ATP13A3: variants seen among roughly 807,000 people sequenced by gnomAD.
The protein encoded by ATP13A3 is polyamine-transporting ATPase 13A3.
In ATP13A3, 59 loss-of-function variants were observed where a neutral mutation model predicts 158.1. That is an observed-to-expected ratio of 0.37 (90% CI 0.30 to 0.46). The LOEUF is 0.46. Among genes scored for constraint, ATP13A3 ranks in the 20% least tolerant of loss-of-function variants. The probability of loss-of-function intolerance (pLI) is 1.00; values close to 1 mark genes in which losing one functional copy is unlikely to be tolerated. For synonymous variants in ATP13A3, 491 were observed against 504.3 expected (o/e 0.97, Z 0.35); for missense variants, 1,166 against 1,525.2 (o/e 0.76, Z 3.92).
At chr3:194,462,077 A>G in intron 3 of ATP13A3, 63 bp downstream of exon 3, 1 of 1,534,566 alleles carries the variant, frequency 6.5e-7, no homozygotes, top group Non-Finnish European at 9.0e-7. Context: ...TCTAGTCCCT[A>G]AAATAATAAA....
chr3:194,436,736 T>C (rs888857934), intron 20 of ATP13A3, among the ~76,000 whole-genome samples: 9 of 152,204 alleles, frequency 5.9e-5, no homozygotes, highest in Non-Finnish European at 1.2e-4. Flanking sequence ...TAATCCCAGC[T>C]ACTTGGGAGG....
Position 194,406,044 on chromosome 3 carries a change from T to A in ATP13A3, c.3646A>T (p.Lys1216Ter). 6.2e-7 allele frequency: 1 copy of A among 1,614,192 alleles called. No individual in the cohort carries two copies. The highest frequency in any genetic ancestry group is 1.1e-5 in the South Asian group (1 of 91,088). ...AGCTCCTGCGCCAGATACATGTACT[T>A]TGCCTTTGGTGTCTTCTTTCTACAG... ...LGCRKKTPKAKYMYLAQELLV... is the reference protein window; with the variant it reads ...LGCRKKTPKA Residue 1216 changes from lysine (K) to a stop codon, truncating the protein, a stop_gained, in exon 34 of 34, where the codon AAG becomes TAG. Coordinates refer to ENST00000645319, the MANE Select transcript of ATP13A3 (RefSeq NM_001367549.1). LOFTEE classifies it high-confidence loss of function.
intron 2 of ATP13A3, among the ~76,000 whole-genome samples, chr3:194,480,309 A>G (rs950626545): frequency 2.0e-5 from 3 of 152,174 alleles, no homozygotes; most frequent in African/African-American, 7.2e-5. Context: ...TTTTTATCCA[A>G]TACACCATGC....
In ATP13A3 at chr3:194,438,981, A is replaced by C; in HGVS notation, c.1711-9T>G. 6.5e-7 allele frequency: 1 copy of C among 1,541,936 alleles called. No individual in the cohort carries two copies. The highest frequency in any genetic ancestry group is 8.8e-7 in the Non-Finnish European group (1 of 1,135,576). On this transcript the variant is annotated splice_polypyrimidine_tract_variant and intron_variant, in intron 16 of 33. Transcript: ENST00000645319. The stretch of plus-strand genomic sequence containing the variant: ...GTTGCTTCTTCCAGAATCTGGAAAA[A>C]AAAAAGAGACAAAAAAAAACAAAAA...
At chr3:194,473,297 G>A (rs1297536151) in intron 2 of ATP13A3, among the ~76,000 whole-genome samples, 1 of 152,202 alleles carries the variant, frequency 6.6e-6, no homozygotes, top group South Asian at 2.1e-4. Context: ...ATGATAATGG[G>A]GCGGAGAGAG....
chr3:194,402,858 T>TA lies in ATP13A3; in HGVS notation c.*3060dup, dbSNP rs922202472. 1.3e-5 allele frequency: 2 copies of TA among 152,068 alleles called. No individual in the cohort carries two copies. Among genetic ancestry groups the TA allele is most frequent in the African/African-American group, 4.8e-5 (2 of 41,412 alleles). 9.4% of individuals were successfully genotyped at this position (152,068 alleles called of 1,614,324 possible). On this transcript the variant is annotated 3_prime_UTR_variant, in exon 34 of 34. Transcript: ENST00000645319. ...GTATCATTTCTGATATAAAGTTACT[T>TA]AAAAAAATCCAAGGTCTTAGGGAAT...
intron 4 of ATP13A3, among the ~76,000 whole-genome samples, chr3:194,460,239 T>G (rs1054298780): frequency 6.6e-6 from 1 of 152,192 alleles, no homozygotes; most frequent in African/African-American, 2.4e-5. Flanking sequence ...TTAATTAGTC[T>G]CTATATTTGG....
chr3:194,409,855 A>C (rs1044864828), intron 33 of ATP13A3, among the ~76,000 whole-genome samples: 15 of 151,876 alleles, frequency 9.9e-5, no homozygotes, highest in African/African-American at 3.6e-4. Flanking sequence ...GATTAACTAA[A>C]GACTGGCTCT....
At chr3:194,414,697 CAGAT>C (rs1349141109) in intron 31 of ATP13A3, among the ~76,000 whole-genome samples, 3 of 152,072 alleles carry the variant, frequency 2.0e-5, no homozygotes, top group African/African-American at 7.2e-5. Context: ...AGAAAAGGCA[CAGAT>C]AAATAGACAC....
In ATP13A3 at chr3:194,437,202, A is replaced by C; in HGVS notation, c.2013T>G (p.Phe671Leu). The stretch of plus-strand genomic sequence containing the variant: ...TAGTGAAGTCTTCCAAAACGTTTTG[A>C]AAATCGACAGGAACTTTTTAAAAGA... ...LCKPETVPVD[F>L]QNVLEDFTKQ... Residue 671 changes from phenylalanine to leucine, a missense_variant, in exon 20 of 34, where the codon TTT (phenylalanine) becomes TTG (leucine). Coordinates refer to ENST00000645319, the MANE Select transcript of ATP13A3 (RefSeq NM_001367549.1). 6.2e-7 allele frequency: 1 copy of C among 1,614,104 alleles called. No homozygotes were observed. Among genetic ancestry groups the C allele is most frequent in the Non-Finnish European group, 8.5e-7 (1 of 1,179,998 alleles).
intron 6 of ATP13A3, 147 bp downstream of exon 6, chr3:194,459,324 C>G (rs1376742295): frequency 1.7e-5 from 11 of 642,434 alleles, no homozygotes; most frequent in Non-Finnish European, 2.8e-5. Flanking sequence ...AGCCTTCAAA[C>G]AGCAACAGGG....
At chr3:194,410,296 CAAAAAAAAAAA>C (rs772008929) in intron 33 of ATP13A3, among the ~76,000 whole-genome samples, 21 of 21,820 alleles carry the variant, frequency 9.6e-4, no homozygotes, top group Admixed American at 4.5e-3. Flanking sequence ...CTCCTCTCTG[CAAAAAAAAAAA>C]AAAAAAAAAA....
chr3:194,470,922 G>A (rs1042136897), intron 2 of ATP13A3, among the ~76,000 whole-genome samples: 2 of 152,142 alleles, frequency 1.3e-5, no homozygotes, highest in Non-Finnish European at 2.9e-5. Context: ...AGAGAAAACT[G>A]GCACCTACTC....
intron 2 of ATP13A3, among the ~76,000 whole-genome samples, chr3:194,484,326 T>A (rs1019572975): frequency 3.3e-5 from 5 of 152,246 alleles, no homozygotes; most frequent in Admixed American, 1.3e-4. Context: ...GGAGCACTTT[T>A]CCTGGCACAT....
chr3:194,407,271 C>T (rs757833099), intron 33 of ATP13A3, among the ~76,000 whole-genome samples: 3 of 152,128 alleles, frequency 2.0e-5, no homozygotes, highest in Admixed American at 6.5e-5. Flanking sequence ...ACATATAAAC[C>T]AGGCTACAAC....
chr3:194,434,420 T>C (rs2108832712), intron 20 of ATP13A3, among the ~76,000 whole-genome samples: 1 of 152,370 alleles, frequency 6.6e-6, no homozygotes, highest in South Asian at 2.1e-4. Flanking sequence ...GTTATCAAGA[T>C]GCTATTCTTT....
At chr3:194,412,154 G>A (rs1160808392) in intron 33 of ATP13A3, 45 bp downstream of exon 33, 10 of 1,415,340 alleles carry the variant, frequency 7.1e-6, no homozygotes, top group Non-Finnish European at 9.6e-6. Context: ...CAAGCAGAGA[G>A]CCTAGAGAGG....
In ATP13A3 at chr3:194,465,939, G is replaced by A. The variant is rs148705714; in HGVS notation, c.-46-3703C>T. 2.2e-3 allele frequency among the ~76,000 whole-genome samples: 327 copies of A among 151,446 alleles called. 2 individuals carry two copies. The highest frequency in any genetic ancestry group is 7.5e-3 in the African/African-American group (310 of 41,208). Reference sequence around the variant, plus strand: ...GGAAGCTACAGTGAGCCAAGATCACGCCACTGCACTCCAGCCTAGGCAACA... The same window carrying A: ...GGAAGCTACAGTGAGCCAAGATCACACCACTGCACTCCAGCCTAGGCAACA... On this transcript the variant is annotated intron_variant, in intron 2 of 33. Coordinates refer to ENST00000645319, the MANE Select transcript of ATP13A3 (RefSeq NM_001367549.1).
intron 2 of ATP13A3, among the ~76,000 whole-genome samples, chr3:194,474,886 T>G (rs546549951): frequency 6.6e-6 from 1 of 152,346 alleles, no homozygotes; most frequent in East Asian, 1.9e-4. Flanking sequence ...CCGCTCAGAC[T>G]ATGGTCATGC....
Sources: gnomAD v4.1 joint callset for allele counts (sites outside exome capture counted in the v4.1 genomes callset) on GRCh38, gnomAD v4.1.1 for gene constraint, MANE v1.5 for transcripts, NCBI Gene and HGNC (gene_info 2026-07-23, HGNC 2026-07-21) for gene names.